Variants in RIMBP2 observed in about 807,000 individuals in gnomAD.
RIMBP2 encodes the protein RIMS-binding protein 2.
Under a neutral mutation model 118.6 loss-of-function variants are expected in RIMBP2, and 48 were observed. The ratio of observed to expected loss-of-function variants is 0.40; its 90% CI spans 0.32 to 0.51. The LOEUF is 0.51. RIMBP2 is among the 20% of genes least tolerant of loss of function. RIMBP2 has a pLI of 0.41. For missense variants in RIMBP2, 1,551 were observed against 1,768.3 expected, an observed-to-expected ratio of 0.88 and a Z score of 2.20; for synonymous variants, 762 against 742.9, an observed-to-expected ratio of 1.03 and a Z score of -0.42.
At chr12:130,404,252 T>C (rs1275471866) in intron 21 of RIMBP2, among the ~76,000 whole-genome samples, 1 of 152,204 alleles carries the variant, frequency 6.6e-6, no homozygotes, top group Non-Finnish European at 1.5e-5. Flanking sequence ...CAGTGGAATA[T>C]ATGCTAGGGG....
chr12:130,414,894 A>T (rs2076010971), intron 17 of RIMBP2, among the ~76,000 whole-genome samples: 1 of 152,244 alleles, frequency 6.6e-6, no homozygotes. Flanking sequence ...ACAACCTCCC[A>T]GGATTGAATC....
At chr12:130,421,778 C>A (rs2076428635) in intron 17 of RIMBP2, among the ~76,000 whole-genome samples, 1 of 151,304 alleles carries the variant, frequency 6.6e-6, no homozygotes, top group Non-Finnish European at 1.5e-5. Flanking sequence ...TTATCTTGTG[C>A]ATAATACTTT....
At chr12:130,572,540 T>C (rs1358306170) in intron 2 of RIMBP2, among the ~76,000 whole-genome samples, 1 of 152,058 alleles carries the variant, frequency 6.6e-6, no homozygotes, top group African/African-American at 2.4e-5. Context: ...CAGGTTTTAC[T>C]GGGCTGCGTG....
intron 2 of RIMBP2, among the ~76,000 whole-genome samples, chr12:130,539,184 T>C (rs999974078): frequency 1.3e-5 from 2 of 152,240 alleles, no homozygotes; most frequent in Admixed American, 1.3e-4. Context: ...TATATATTTT[T>C]ACAATTTGTG....
rs2074130540 is a variant in RIMBP2 at position 130,397,189 on chromosome 12, T to TC, written c.*171dup. On this transcript the variant is annotated 3_prime_UTR_variant, in exon 23 of 23. Coordinates refer to ENST00000690449, the MANE Select transcript of RIMBP2 (RefSeq NM_001393629.1). ...GCCAGCGGTGACAGAGAGCAACCGC[T>TC]CCTCTTTGTTCTCGTGGTTGGTTTA... 1 of 372,052 alleles carries TC rather than the reference T, an allele frequency of 2.7e-6. No individual in the cohort carries two copies. The highest frequency in any genetic ancestry group is 2.1e-5 in the African/African-American group (1 of 48,072). The allele number at this position is 372,052 out of a possible 1,614,324, so 23.0% of individuals were successfully genotyped here.
Position 130,617,270 on chromosome 12 carries a change from G to A in RIMBP2, c.-217+11052C>T, listed in dbSNP as rs74621261. 5.0e-4 allele frequency among the ~76,000 whole-genome samples: 75 copies of A among 151,330 alleles called. No homozygotes were observed. The highest frequency in any genetic ancestry group is 1.7e-3 in the African/African-American group (70 of 41,324). The stretch of plus-strand genomic sequence containing the variant: ...CTAGAGCCCAGGCCCACGCCCTGCA[G>A]CTGGGAGCTGCTGGACCAGGCTTAG... On this transcript the variant is annotated intron_variant, in intron 2 of 22. Coordinates refer to ENST00000690449, the MANE Select transcript of RIMBP2 (RefSeq NM_001393629.1). The surrounding 1 kb of genome is among the most constrained non-coding windows in gnomAD (Gnocchi z 4.6).
chr12:130,582,048 C>A (rs1254834576), intron 2 of RIMBP2, among the ~76,000 whole-genome samples: 1 of 152,134 alleles, frequency 6.6e-6, no homozygotes, highest in Non-Finnish European at 1.5e-5. Flanking sequence ...ACGTGGCTCA[C>A]TTCCTCACCC....
intron 5 of RIMBP2, among the ~76,000 whole-genome samples, chr12:130,478,708 C>T (rs540864367): frequency 5.3e-4 from 80 of 152,334 alleles, no homozygotes; most frequent in African/African-American, 1.7e-3. Context: ...CATCTGCTTT[C>T]GCGTTATAAA....
At chr12:130,554,858 A>G (rs1360796636) in intron 2 of RIMBP2, among the ~76,000 whole-genome samples, 1 of 152,200 alleles carries the variant, frequency 6.6e-6, no homozygotes, top group African/African-American at 2.4e-5. Context: ...CAAAGTTCTA[A>G]AGAACTATGA....
chr12:130,634,226 T>A (rs2062195940), intron 1 of RIMBP2, among the ~76,000 whole-genome samples: 1 of 152,120 alleles, frequency 6.6e-6, no homozygotes, highest in African/African-American at 2.4e-5. Flanking sequence ...TTACATATCC[T>A]TGGGAGCGGA....
chr12:130,552,890 C>T (rs892929191), intron 2 of RIMBP2, among the ~76,000 whole-genome samples: 1 of 152,084 alleles, frequency 6.6e-6, no homozygotes, highest in Non-Finnish European at 1.5e-5. Flanking sequence ...TGGTGGCTCA[C>T]ACCTATAATC....
chr12:130,438,567 G>A (rs766107869), intron 11 of RIMBP2, 51 bp from the exon 12 acceptor site: 4 of 1,478,110 alleles, frequency 2.7e-6, no homozygotes, highest in Non-Finnish European at 1.8e-6. Flanking sequence ...GCCCTGGCAG[G>A]TGAGCCGTGA....
chr12:130,654,946 A>C (rs2063362033), intron 1 of RIMBP2, among the ~76,000 whole-genome samples: 1 of 152,244 alleles, frequency 6.6e-6, no homozygotes, highest in East Asian at 1.9e-4. Flanking sequence ...GCAAGAACTC[A>C]CTTATCACCC....
intron 21 of RIMBP2, among the ~76,000 whole-genome samples, chr12:130,403,476 A>G (rs554144422): frequency 3.3e-5 from 5 of 152,352 alleles, no homozygotes; most frequent in Non-Finnish European, 7.3e-5. Flanking sequence ...CATTGTTTCT[A>G]CATGTGAAAA....
intron 1 of RIMBP2, among the ~76,000 whole-genome samples, chr12:130,647,294 T>TG (rs1165041122): frequency 6.6e-6 from 1 of 151,494 alleles, no homozygotes; most frequent in African/African-American, 2.4e-5. Context: ...ACCCGGGGGG[T>TG]GGAGGTTGCA....
chr12:130,590,223 G>A (rs74975109), intron 2 of RIMBP2, among the ~76,000 whole-genome samples: 3,474 of 152,258 alleles, frequency 0.023, 129 homozygotes, highest in African/African-American at 0.079. Flanking sequence ...CACTGGACAT[G>A]AAGGAAGCAG....
intron 2 of RIMBP2, among the ~76,000 whole-genome samples, chr12:130,605,577 T>C (rs571461333): frequency 1.8e-4 from 28 of 152,350 alleles, no homozygotes; most frequent in African/African-American, 6.5e-4. Flanking sequence ...TTATTTTTAA[T>C]GATGCATGAT....
intron 10 of RIMBP2, among the ~76,000 whole-genome samples, chr12:130,444,393 G>A (rs907761617): frequency 1.3e-5 from 2 of 152,204 alleles, no homozygotes; most frequent in East Asian, 1.9e-4. Flanking sequence ...CATCAGCTCC[G>A]AGAAAACAGC....
In RIMBP2 at chr12:130,412,800, G is replaced by T. The variant is rs2075818907; in HGVS notation, c.3421-13C>A. ...TATCACCATAAACCTAGAGCCAAGGGGGAAAATAAATCAAGCACTGTAATT... is the reference window on the plus strand; with the variant it reads ...TATCACCATAAACCTAGAGCCAAGGTGGAAAATAAATCAAGCACTGTAATT... On this transcript the variant is annotated splice_polypyrimidine_tract_variant and intron_variant, in intron 18 of 22. Transcript: ENST00000690449. 1 of 1,601,928 alleles carries T rather than the reference G, an allele frequency of 6.2e-7. No individual in the cohort carries two copies. The highest frequency in any genetic ancestry group is 8.5e-7 in the Non-Finnish European group (1 of 1,173,996).
Sources: allele counts gnomAD v4.1 joint callset (sites outside exome capture counted in the v4.1 genomes callset), GRCh38; gene constraint gnomAD v4.1.1; non-coding constraint Gnocchi (gnomAD v3.1); transcripts MANE v1.5; gene names NCBI Gene and HGNC (gene_info 2026-07-23, HGNC 2026-07-21).